Variants in TMEM132B observed in about 807,000 individuals in gnomAD.
TMEM132B encodes the protein transmembrane protein 132B.
TMEM132B carries 18 observed loss-of-function variants against 90.8 expected under a neutral mutation model. The observed-to-expected ratio is 0.20, with a 90% CI of 0.14 to 0.29. TMEM132B has a LOEUF of 0.29. Ranked by LOEUF, TMEM132B falls within the 10% of genes least tolerant of loss-of-function variation. TMEM132B has a pLI of 1.00. For missense variants in TMEM132B, 1,096 were observed against 1,326.8 expected (o/e 0.83, Z 2.70); for synonymous variants, 504 against 523.3 (o/e 0.96, Z 0.50).
At chr12:125,411,274 A>G (rs1879827369) in intron 2 of TMEM132B, among the ~76,000 whole-genome samples, 3 of 148,920 alleles carry the variant, frequency 2.0e-5, no homozygotes, top group South Asian at 4.3e-4. Flanking sequence ...AAAACCAAAC[A>G]CCGCGTGTTC....
At chr12:125,386,925 G>C (rs562748344) in intron 2 of TMEM132B, among the ~76,000 whole-genome samples, 1 of 152,262 alleles carries the variant, frequency 6.6e-6, no homozygotes, top group South Asian at 2.1e-4. Flanking sequence ...CTAAAACCCA[G>C]AGCTTCTTTA....
At position 125,654,847 on chromosome 12, in the gene TMEM132B, T is replaced by A; in HGVS notation, c.*137T>A. On this transcript the variant is annotated 3_prime_UTR_variant, in exon 9 of 9. Transcript: ENST00000682704. This position sits in a 1 kb window ranked among gnomAD's most constrained non-coding sequence, Gnocchi z 5.8. The stretch of plus-strand genomic sequence containing the variant: ...CTGGTGGGATTCATTTCTAAGCAGG[T>A]AAAAGAGGTTTGGAGAGCTATAGAA... The A allele has an allele frequency of 1.9e-6, 2 of 1,076,762 alleles. No individual in the cohort carries two copies. Among genetic ancestry groups the A allele is most frequent in the Non-Finnish European group, 2.6e-6 (2 of 765,438 alleles). The allele number at this position is 1,076,762 out of a possible 1,614,324, so 66.7% of individuals were successfully genotyped here. A position where few individuals can be genotyped will look rare whatever the true frequency, so the allele number is the denominator to read the frequency against.
intron 1 of TMEM132B, among the ~76,000 whole-genome samples, chr12:125,250,670 T>C (rs1874297544): frequency 6.6e-6 from 1 of 151,988 alleles, no homozygotes; most frequent in African/African-American, 2.4e-5. Context: ...TTTCCTTGGC[T>C]CTCTCTGGGT....
chr12:125,619,330 ATATTTATTTATTTATT>A (rs58234813), intron 5 of TMEM132B, among the ~76,000 whole-genome samples: 19,061 of 139,704 alleles, frequency 0.14, 1,921 homozygotes, highest in African/African-American at 0.28. Flanking sequence ...GCATTTATTT[ATATTTATTTATTTATT>A]TATTTATTTA....
chr12:125,218,508 G>T (rs1873488566), intron 1 of TMEM132B, among the ~76,000 whole-genome samples: 1 of 151,940 alleles, frequency 6.6e-6, no homozygotes, highest in Non-Finnish European at 1.5e-5. Flanking sequence ...AATCTCAAAC[G>T]CCCACGACAT....
At chr12:125,309,221 T>C (rs1876066775) in intron 1 of TMEM132B, among the ~76,000 whole-genome samples, 1 of 152,244 alleles carries the variant, frequency 6.6e-6, no homozygotes, top group Non-Finnish European at 1.5e-5. Context: ...TTATATGCTA[T>C]TTGGAATAAG....
chr12:125,560,010 C>T (rs1013342090), intron 4 of TMEM132B, among the ~76,000 whole-genome samples: 12 of 152,176 alleles, frequency 7.9e-5, no homozygotes, highest in South Asian at 2.1e-4. Flanking sequence ...TCTGGGCTCC[C>T]GCTTCTTAAT....
intron 1 of TMEM132B, among the ~76,000 whole-genome samples, chr12:125,220,318 C>T (rs1227225805): frequency 6.6e-6 from 1 of 152,166 alleles, no homozygotes; most frequent in African/African-American, 2.4e-5. Flanking sequence ...TGTTCTTGCC[C>T]CAAACCACAT....
At chr12:125,336,177 TC>T (rs1342419665) in intron 1 of TMEM132B, among the ~76,000 whole-genome samples, 1 of 152,176 alleles carries the variant, frequency 6.6e-6, no homozygotes, top group African/African-American at 2.4e-5. Flanking sequence ...TGTCCGGCAG[TC>T]ACCGATGTGT....
intron 3 of TMEM132B, among the ~76,000 whole-genome samples, chr12:125,437,194 G>A (rs1333704850): frequency 4.6e-5 from 7 of 152,262 alleles, no homozygotes; most frequent in Middle Eastern, 6.8e-3. Flanking sequence ...GAGTGACCCC[G>A]CTCCTCCCAG....
rs148812499 is a variant in TMEM132B, at chr12:125,435,836, G to T, written c.1106+20159G>T. Among the ~76,000 whole-genome samples the T allele has an allele frequency of 3.5e-4, 53 of 152,156 alleles. 2 individuals carry two copies. In the East Asian group the frequency reaches 9.7e-3, roughly 28 times the overall value. ...AGGGAAGGGACAAGTGGACTCCCCG[G>T]GGCAGGAGGAGCTAAATGGAGGGGA... is the stretch of plus-strand genomic sequence containing the variant. On this transcript the variant is annotated intron_variant, in intron 3 of 8. Coordinates refer to ENST00000682704, the MANE Select transcript of TMEM132B (RefSeq NM_001366854.1).
In TMEM132B at chr12:125,657,811, A is replaced by G. The variant is rs901517686; in HGVS notation, c.*3101A>G. On this transcript the variant is annotated 3_prime_UTR_variant, in exon 9 of 9. Coordinates refer to ENST00000682704, the MANE Select transcript of TMEM132B (RefSeq NM_001366854.1). ...CAAGCCTCTTGAGAAGGCACCAGACAGTGAACTCTGTGGTCACATGAAGGG... is the reference window on the plus strand; with the variant it reads ...CAAGCCTCTTGAGAAGGCACCAGACGGTGAACTCTGTGGTCACATGAAGGG... 1 of 152,330 alleles carries G rather than the reference A, an allele frequency of 6.6e-6. No individual in the cohort carries two copies. Among genetic ancestry groups the G allele is most frequent in the Admixed American group, 6.5e-5 (1 of 15,284 alleles). The allele number at this position is 152,330 out of a possible 1,614,324, so 9.4% of individuals were successfully genotyped here.
chr12:125,547,037 C>G (rs892145280), intron 4 of TMEM132B, among the ~76,000 whole-genome samples: 1 of 152,284 alleles, frequency 6.6e-6, no homozygotes, highest in South Asian at 2.1e-4. Context: ...AGAACTAATT[C>G]ACTATCATGA....
At chr12:125,643,727 T>A (rs2137028429) in intron 5 of TMEM132B, among the ~76,000 whole-genome samples, 1 of 152,290 alleles carries the variant, frequency 6.6e-6, no homozygotes, top group South Asian at 2.1e-4. Context: ...GAGTGAACTA[T>A]GAGGCACCTG....
chr12:125,378,205 G>T (rs1300263181), intron 2 of TMEM132B, among the ~76,000 whole-genome samples: 5 of 152,160 alleles, frequency 3.3e-5, no homozygotes, highest in Admixed American at 3.3e-4. Context: ...TGGATATAGG[G>T]TGGATCTCTT....
chr12:125,443,322 G>C (rs1037889977), intron 3 of TMEM132B, among the ~76,000 whole-genome samples: 3 of 152,210 alleles, frequency 2.0e-5, no homozygotes, highest in African/African-American at 7.2e-5. Flanking sequence ...GTAATTTTCA[G>C]GTCCTTAAAT....
At chr12:125,643,895 A>G (rs940492743) in intron 5 of TMEM132B, among the ~76,000 whole-genome samples, 181 bp from the exon 6 acceptor site, 2 of 152,168 alleles carry the variant, frequency 1.3e-5, no homozygotes, top group Non-Finnish European at 2.9e-5. Context: ...CCTGGAGTCT[A>G]TTTGTCAGTG....
At chr12:125,648,730 C>A (rs554978097) in intron 6 of TMEM132B, among the ~76,000 whole-genome samples, 1 of 152,222 alleles carries the variant, frequency 6.6e-6, no homozygotes, top group African/African-American at 2.4e-5. Flanking sequence ...TTTAGTGAAA[C>A]ACAAGCCTAG....
chr12:125,267,086 G>A (rs1220082791), intron 1 of TMEM132B, among the ~76,000 whole-genome samples: 1 of 152,204 alleles, frequency 6.6e-6, no homozygotes, highest in Non-Finnish European at 1.5e-5. Flanking sequence ...GATGTGGCAA[G>A]CGCTGTATCA....
Sources: gnomAD v4.1 joint callset for allele counts (sites outside exome capture counted in the v4.1 genomes callset) on GRCh38, gnomAD v4.1.1 for gene constraint, Gnocchi (gnomAD v3.1) non-coding constraint, MANE v1.5 for transcripts, NCBI Gene and HGNC (gene_info 2026-07-23, HGNC 2026-07-21) for gene names.